HACE1: variants seen among roughly 807,000 people sequenced by gnomAD.
The protein encoded by HACE1 is HECT domain and ankyrin repeat containing E3 ubiquitin protein ligase 1, also known as E3 ubiquitin-protein ligase HACE1.
HACE1 carries 73 observed loss-of-function variants against 118.4 expected under a neutral mutation model. The ratio of observed to expected loss-of-function variants is 0.62; its 90% confidence interval spans 0.51 to 0.75. The LOEUF (loss-of-function observed/expected upper bound fraction) is 0.75. Ranked by LOEUF, HACE1 falls within the 30% of genes least tolerant of loss-of-function variation. The probability of loss-of-function intolerance (pLI) is 0.00; values close to 1 mark genes in which losing one functional copy is unlikely to be tolerated. For missense variants in HACE1, 749 were observed against 1,102.2 expected (o/e 0.68, Z 4.54); for synonymous variants, 368 against 374.8 (o/e 0.98, Z 0.21).
At chr6:104,771,135 A>T (rs1780561618) in intron 19 of HACE1, 58 bp downstream of exon 19, 3 of 1,225,252 alleles carry the variant, frequency 2.4e-6, no homozygotes, top group South Asian at 2.4e-5. Flanking sequence ...TAGAGTAACT[A>T]GCAAACTATC....
At chr6:104,761,292 C>T (rs1382673352) in intron 19 of HACE1, among the ~76,000 whole-genome samples, 1 of 152,162 alleles carries the variant, frequency 6.6e-6, no homozygotes, top group African/African-American at 2.4e-5. Flanking sequence ...TACCAGACTT[C>T]AAACTATACT....
chr6:104,859,663 TCCTCCGCGATCAGCCGCCCCACCGGCGG>T lies in HACE1; in HGVS notation c.-49_-22del. Reference sequence around the variant, plus strand: ...TCCATCCTCGGCGCGCCCTCCGCGATCCTCCGCGATCAGCCGCCCCACCGGCGGCCTCCGCGCCCAGAGCCCTACATCT... The same window carrying T: ...TCCATCCTCGGCGCGCCCTCCGCGATCCTCCGCGCCCAGAGCCCTACATCT... On this transcript the variant is annotated 5_prime_UTR_variant, in exon 1 of 24. Transcript: ENST00000262903. 4 of 1,527,008 alleles carry T rather than the reference TCCTCCGCGATCAGCCGCCCCACCGGCGG, an allele frequency of 2.6e-6. No homozygotes were observed. Among genetic ancestry groups the T allele is most frequent in the Non-Finnish European group, 3.5e-6 (4 of 1,140,288 alleles). 94.6% of individuals were successfully genotyped at this position (1,527,008 alleles called of 1,614,324 possible).
At chr6:104,799,375 G>A (rs1278760814) in intron 7 of HACE1, among the ~76,000 whole-genome samples, 1 of 152,136 alleles carries the variant, frequency 6.6e-6, no homozygotes, top group Non-Finnish European at 1.5e-5. Flanking sequence ...GTAGTCAGTT[G>A]GGTGATTTCT....
intron 20 of HACE1, among the ~76,000 whole-genome samples, chr6:104,747,361 G>C (rs746016595): frequency 6.6e-6 from 1 of 152,008 alleles, no homozygotes; most frequent in Non-Finnish European, 1.5e-5. Flanking sequence ...GTCTACAATG[G>C]ATGACTACAC....
Position 104,859,733 on chromosome 6 carries a change from G to T in HACE1, c.-91C>A. On this transcript the variant is annotated 5_prime_UTR_variant, in exon 1 of 24. In the 5' UTR this introduces an upstream ATG that the reference lacks. Coordinates refer to ENST00000262903, the MANE Select transcript of HACE1 (RefSeq NM_020771.4). ...CCTACATCTCGCCTGGGCCCGTCCA[G>T]CAGGCGGAGACGCGGGCTTGCCCCG... The T allele has an allele frequency of 8.3e-7, 1 of 1,201,262 alleles. No individual in the cohort carries two copies. The highest frequency in any genetic ancestry group is 1.2e-6 in the Non-Finnish European group (1 of 860,094). 74.4% of individuals were successfully genotyped at this position (1,201,262 alleles called of 1,614,324 possible).
intron 1 of HACE1, among the ~76,000 whole-genome samples, chr6:104,852,693 C>T (rs1164056398): frequency 1.3e-5 from 2 of 152,076 alleles, no homozygotes; most frequent in East Asian, 1.9e-4. Context: ...TATGGTAGCC[C>T]GCGCATCATC....
At position 104,730,186 on chromosome 6, in the gene HACE1, C is replaced by T. The variant is rs1775052320; in HGVS notation, c.2627+117G>A. On this transcript the variant is annotated intron_variant, in intron 23 of 23. Coordinates refer to ENST00000262903, the MANE Select transcript of HACE1 (RefSeq NM_020771.4). The stretch of plus-strand genomic sequence containing the variant: ...AATTACTCATCAGTGATTCCAAAAT[C>T]CTGGAGAGAGATCACAGCTGAGGTT... 10 of 710,060 alleles carry T rather than the reference C, an allele frequency of 1.4e-5. No homozygotes were observed. In the South Asian group the frequency reaches 1.5e-4, roughly 11 times the overall value. The allele number at this position is 710,060 out of a possible 1,614,324, so 44.0% of individuals were successfully genotyped here. A position where few individuals can be genotyped will look rare whatever the true frequency, so the allele number is the denominator to read the frequency against.
chr6:104,730,228 AAC>A (rs1436378264), intron 23 of HACE1, 73 bp downstream of exon 23: 6 of 804,306 alleles, frequency 7.5e-6, no homozygotes, highest in Non-Finnish European at 1.3e-5. Flanking sequence ...CCAATGCAGC[AAC>A]AGTTAGATCT....
chr6:104,827,230 G>T (rs1227050123), intron 6 of HACE1, among the ~76,000 whole-genome samples: 1 of 152,070 alleles, frequency 6.6e-6, no homozygotes, highest in Non-Finnish European at 1.5e-5. Flanking sequence ...AAAAGGAATA[G>T]ATATTCAATG....
intron 22 of HACE1, among the ~76,000 whole-genome samples, chr6:104,743,122 T>A (rs1255156903): frequency 7.5e-6 from 1 of 133,344 alleles, no homozygotes; most frequent in Non-Finnish European, 1.5e-5. Context: ...TGAGATCACA[T>A]GGACACAGGA....
At chr6:104,748,334 G>A (rs1344045997) in intron 20 of HACE1, among the ~76,000 whole-genome samples, 2 of 152,064 alleles carry the variant, frequency 1.3e-5, no homozygotes, top group Non-Finnish European at 2.9e-5. Flanking sequence ...CATAAAAGGT[G>A]TGTAACTTCA....
intron 6 of HACE1, 90 bp downstream of exon 6, chr6:104,832,952 G>T (rs1774154486): frequency 8.3e-7 from 1 of 1,202,866 alleles, no homozygotes; most frequent in Admixed American, 1.7e-5. Flanking sequence ...AATGCTTCAT[G>T]TTCCCAAATA....
intron 22 of HACE1, among the ~76,000 whole-genome samples, chr6:104,742,009 T>C (rs1485947689): frequency 1.4e-5 from 2 of 148,060 alleles, no homozygotes; most frequent in Admixed American, 6.8e-5. Flanking sequence ...TAACGCCACG[T>C]ATCTACAACT....
intron 19 of HACE1, among the ~76,000 whole-genome samples, chr6:104,756,246 A>G (rs572627175): frequency 3.3e-5 from 5 of 151,770 alleles, no homozygotes; most frequent in Admixed American, 2.6e-4. Context: ...CGTCATCTTT[A>G]CTAAAAACAC....
At chr6:104,802,353 T>C in intron 7 of HACE1, among the ~76,000 whole-genome samples, 1 of 152,212 alleles carries the variant, frequency 6.6e-6, no homozygotes, top group East Asian at 1.9e-4. Flanking sequence ...AACTCAGCTC[T>C]GGACCAAGTG....
chr6:104,858,637 G>A, intron 1 of HACE1: 2 of 199,394 alleles, frequency 1.0e-5, no homozygotes, highest in South Asian at 1.2e-4. Context: ...CCACCCAGCA[G>A]CAATTCAAAG....
intron 6 of HACE1, among the ~76,000 whole-genome samples, chr6:104,820,559 T>C (rs1347427019): frequency 2.6e-5 from 4 of 152,152 alleles, no homozygotes; most frequent in Non-Finnish European, 5.9e-5. Flanking sequence ...AAAGAAGACA[T>C]ATAGGTGGCC....
At chr6:104,743,316 A>T (rs1287659800) in intron 22 of HACE1, among the ~76,000 whole-genome samples, 3 of 119,554 alleles carry the variant, frequency 2.5e-5, no homozygotes, top group East Asian at 5.4e-4. Context: ...GTATAATAAT[A>T]AAAAAAAATT....
At chr6:104,754,369 A>G (rs1007261437) in intron 19 of HACE1, among the ~76,000 whole-genome samples, 3 of 152,194 alleles carry the variant, frequency 2.0e-5, no homozygotes. Flanking sequence ...GATTATCAGG[A>G]CAGGCCAACA....
Sources: allele counts gnomAD v4.1 joint callset (sites outside exome capture counted in the v4.1 genomes callset), GRCh38; gene constraint gnomAD v4.1.1; transcripts MANE v1.5; gene names NCBI Gene and HGNC (gene_info 2026-07-23, HGNC 2026-07-21).